Variants in LIPC observed in about 807,000 individuals in gnomAD.
The protein encoded by LIPC is lipase C, hepatic type.
A neutral mutation model predicts 50.7 loss-of-function variants in LIPC; 44 were observed. The ratio of observed to expected loss-of-function variants is 0.87; its 90% CI spans 0.68 to 1.11. LIPC has a LOEUF of 1.11. Among genes scored for constraint, LIPC ranks in the 50% most tolerant of loss-of-function variants. LIPC has a pLI of 0.00. For missense variants in LIPC, 697 were observed against 648.2 expected (o/e 1.08, Z -0.82); for synonymous variants, 271 against 256.4 (o/e 1.06, Z -0.54).
chr15:58,565,826 G>A (rs7168293), intron 8 of LIPC: 979,468 of 984,876 alleles, frequency 0.99, 487,269 homozygotes, highest in East Asian at 1. Flanking sequence ...TACTGTATGC[G>A]GGTTATGGGA....
chr15:58,536,277 T>C lies in LIPC; in HGVS notation c.89-2056T>C, dbSNP rs529529631. ...CATCCAAAAGGGCATTTGGGAACTG[T>C]TGGTAGCAGGAGAACGAAAAGAGAG... On this transcript the variant is annotated intron_variant, in intron 1 of 8. Coordinates refer to ENST00000299022, the MANE Select transcript of LIPC (RefSeq NM_000236.3). 5.9e-5 allele frequency among the ~76,000 whole-genome samples: 9 copies of C among 152,116 alleles called. No individual in the cohort carries two copies. In the South Asian group the frequency reaches 1.5e-3, roughly 25 times the overall value.
chr15:58,542,864 A>G (rs1442132172), intron 4 of LIPC, among the ~76,000 whole-genome samples: 1 of 152,232 alleles, frequency 6.6e-6, no homozygotes, highest in East Asian at 1.9e-4. Context: ...CTCAATTCCT[A>G]TTGCCTGCCC....
At chr15:58,461,416 T>C (rs1894344271) in intron 1 of LIPC, among the ~76,000 whole-genome samples, 1 of 152,124 alleles carries the variant, frequency 6.6e-6, no homozygotes, top group Non-Finnish European at 1.5e-5. Context: ...ATGGTTTCTT[T>C]GTTTTTGAGA....
chr15:58,552,813 G>C (rs1229881636), intron 6 of LIPC, among the ~76,000 whole-genome samples: 1 of 152,220 alleles, frequency 6.6e-6, no homozygotes, highest in Non-Finnish European at 1.5e-5. Context: ...CAAGAATCTT[G>C]GCCTTGCTGC....
At chr15:58,471,333 G>GGGC (rs1555399331) in intron 1 of LIPC, among the ~76,000 whole-genome samples, 3 of 138,060 alleles carry the variant, frequency 2.2e-5, no homozygotes, top group East Asian at 2.1e-4. Context: ...AGAGATGGGG[G>GGGC]GGGGTGGTCT....
intron 4 of LIPC, 60 bp from the exon 5 acceptor site, chr15:58,545,682 G>C: frequency 7.1e-7 from 1 of 1,400,864 alleles, no homozygotes; most frequent in Non-Finnish European, 1.0e-6. Flanking sequence ...AAGCTAAAAA[G>C]CACATCTCTC....
rs1595908105 is a variant in LIPC, at chr15:58,509,487, C to T, written c.89-28846C>T. On this transcript the variant is annotated intron_variant, in intron 1 of 8. Coordinates refer to ENST00000299022, the MANE Select transcript of LIPC (RefSeq NM_000236.3). ...TTGCAAAATGAAGCAAAGCTATCTA[C>T]TCCAAGGATTGCTGTGAAGATTAAA... is the stretch of plus-strand genomic sequence containing the variant. Among the ~76,000 whole-genome samples, 6 of 152,354 alleles carry T rather than the reference C, an allele frequency of 3.9e-5. No individual in the cohort carries two copies. In the South Asian group the frequency reaches 1.2e-3, roughly 32 times the overall value.
At chr15:58,527,881 G>A (rs1444610501) in intron 1 of LIPC, among the ~76,000 whole-genome samples, 1 of 152,156 alleles carries the variant, frequency 6.6e-6, no homozygotes. Context: ...CCGCAGGTCC[G>A]CACATGGGGA....
rs747958992 is a variant in LIPC, at chr15:58,478,269, C to T, written c.88+46149C>T. On this transcript the variant is annotated intron_variant, in intron 1 of 8. Coordinates refer to ENST00000299022, the MANE Select transcript of LIPC (RefSeq NM_000236.3). Reference sequence around the variant, plus strand: ...AGTTTGTTTGTTTGGGAGACAGTCACGCTCCATCACCCAGGCTGGAATGCA... The same window carrying T: ...AGTTTGTTTGTTTGGGAGACAGTCATGCTCCATCACCCAGGCTGGAATGCA... 1.1e-4 allele frequency among the ~76,000 whole-genome samples: 17 copies of T among 152,262 alleles called. 1 individual carries two copies. The Middle Eastern group carries it at 0.01, about 91-fold the overall frequency.
chr15:58,446,507 A>C (rs188143173), intron 1 of LIPC, among the ~76,000 whole-genome samples: 2 of 152,220 alleles, frequency 1.3e-5, no homozygotes, highest in Non-Finnish European at 1.5e-5. Context: ...TCCACTCAAG[A>C]TCCTCCTGTT....
chr15:58,545,847 A>G lies in LIPC; in HGVS notation c.680A>G (p.His227Arg). 6.2e-7 allele frequency: 1 copy of G among 1,614,218 alleles called. No individual in the cohort carries two copies. The highest frequency in any genetic ancestry group is 8.5e-7 in the Non-Finnish European group (1 of 1,180,032). ...GCCATTCATACCTTTACCCGGGAGCACATGGGCCTGAGCGTGGGCATCAAA... is the reference window on the plus strand; with the variant it reads ...GCCATTCATACCTTTACCCGGGAGCGCATGGGCCTGAGCGTGGGCATCAAA... Reference protein sequence around the residue: ...VDAIHTFTREHMGLSVGIKQP... With the variant: ...VDAIHTFTRERMGLSVGIKQP... The change falls in exon 5 of 9, where the codon CAC (histidine) becomes CGC (arginine). Residue 227 changes from histidine to arginine, a missense_variant. Physicochemically the swap from His to Arg is conservative, Grantham distance 29. Coordinates refer to ENST00000299022, the MANE Select transcript of LIPC (RefSeq NM_000236.3).
chr15:58,451,869 C>G (rs1228449932), intron 1 of LIPC, among the ~76,000 whole-genome samples: 2 of 152,122 alleles, frequency 1.3e-5, no homozygotes, highest in South Asian at 2.1e-4. Flanking sequence ...GGTGGGCTAT[C>G]GTAGCTAAGC....
At chr15:58,486,577 T>C (rs1186614940) in intron 1 of LIPC, among the ~76,000 whole-genome samples, 1 of 152,200 alleles carries the variant, frequency 6.6e-6, no homozygotes, top group African/African-American at 2.4e-5. Context: ...GTGTGGTCAA[T>C]GTTTGTGCAA....
At chr15:58,561,771 A>G (rs1894171761) in intron 7 of LIPC, among the ~76,000 whole-genome samples, 1 of 152,188 alleles carries the variant, frequency 6.6e-6, no homozygotes, top group South Asian at 2.1e-4. Context: ...TCTTATTGCT[A>G]CAAAAAGTCT....
intron 1 of LIPC, among the ~76,000 whole-genome samples, chr15:58,517,787 A>G (rs186381630): frequency 2.6e-5 from 4 of 152,366 alleles, no homozygotes; most frequent in Non-Finnish European, 4.4e-5. Flanking sequence ...AGCATTTCAA[A>G]GAGATTCCAC....
At chr15:58,442,729 AC>A (rs1893548720) in intron 1 of LIPC, among the ~76,000 whole-genome samples, 1 of 152,134 alleles carries the variant, frequency 6.6e-6, no homozygotes, top group East Asian at 1.9e-4. Context: ...TCCTTAGACC[AC>A]TCAGCTAATA....
At chr15:58,522,242 C>G (rs1892679791) in intron 1 of LIPC, 1 of 153,772 alleles carries the variant, frequency 6.5e-6, no homozygotes, top group Non-Finnish European at 1.4e-5. Context: ...GCCACTGCCT[C>G]AGCTTCCTCC....
intron 1 of LIPC, 55 bp downstream of exon 1, chr15:58,432,175 G>T (rs1465944922): frequency 2.3e-5 from 30 of 1,278,610 alleles, no homozygotes; most frequent in Non-Finnish European, 2.2e-5. Flanking sequence ...TTTAAAACGT[G>T]TGTCACAAAG....
chr15:58,490,873 G>C (rs577587082), intron 1 of LIPC, among the ~76,000 whole-genome samples: 8 of 152,288 alleles, frequency 5.3e-5, no homozygotes, highest in East Asian at 3.9e-4. Context: ...AGGTCTCTGA[G>C]AGCCCAGAGC....
Sources: allele counts gnomAD v4.1 joint callset (sites outside exome capture counted in the v4.1 genomes callset), GRCh38; gene constraint gnomAD v4.1.1; transcripts MANE v1.5; gene names NCBI Gene and HGNC (gene_info 2026-07-23, HGNC 2026-07-21).